The following MGLL variants were observed in gnomAD, a reference collection of about 807,000 sequenced individuals.
MGLL encodes the protein monoglyceride lipase.
Under a neutral mutation model 29.1 loss-of-function variants are expected in MGLL, and 7 were observed. The ratio of observed to expected loss-of-function variants is 0.24; its 90% CI spans 0.14 to 0.45. MGLL has a LOEUF of 0.45. MGLL is among the 20% of genes least tolerant of loss of function. The probability of loss-of-function intolerance (pLI) is 0.99; values close to 1 mark genes in which losing one functional copy is unlikely to be tolerated. For missense variants in MGLL, 356 were observed against 413.6 expected (o/e 0.86, Z 1.21); for synonymous variants, 148 against 168.3 (o/e 0.88, Z 0.93).
At chr3:127,749,858 C>G (rs1414669863) in intron 3 of MGLL, among the ~76,000 whole-genome samples, 1 of 152,106 alleles carries the variant, frequency 6.6e-6, no homozygotes, top group East Asian at 1.9e-4. Context: ...TTAGTAATGA[C>G]CAGAAGGAGG....
chr3:127,730,297 G>A (rs1167572276), intron 3 of MGLL, among the ~76,000 whole-genome samples: 4 of 151,982 alleles, frequency 2.6e-5, no homozygotes, highest in Non-Finnish European at 5.9e-5. Context: ...ATGGTGTCGT[G>A]GTCCGACGGC....
rs1172933474 is a variant in MGLL at position 127,781,790 on chromosome 3, A to T, written c.261T>A (p.His87Gln). 1 of 1,614,080 alleles carries T rather than the reference A, an allele frequency of 6.2e-7. No homozygotes were observed. Residue 87 changes from histidine (H) to glutamine (Q), a missense_variant and splice_region_variant, in exon 3 of 8, where the codon CAT becomes CAA. Transcript: ENST00000265052. The stretch of plus-strand genomic sequence containing the variant: ...CTGACGGCACCCTGGGACACTCACC[A>T]TGGTCGTGGGCGAACACCAGCAGGT... Reference protein sequence around the residue: ...GLDLLVFAHDHVGHGQSEGER... With the variant: ...GLDLLVFAHDQVGHGQSEGER...
At position 127,740,019 on chromosome 3, in the gene MGLL, C is replaced by G. The variant is rs184791827; in HGVS notation, c.263-17453G>C. Reference sequence around the variant, plus strand: ...GCCCGCTCAGAGGCCTGCGGGCCAGCAGGCAGCTCTGAGTGGGGAAGCCCT... The same window carrying G: ...GCCCGCTCAGAGGCCTGCGGGCCAGGAGGCAGCTCTGAGTGGGGAAGCCCT... On this transcript the variant is annotated intron_variant, in intron 3 of 7. Transcript: ENST00000265052. Among the ~76,000 whole-genome samples, 1,454 of 152,308 alleles carry G rather than the reference C, an allele frequency of 9.5e-3. 12 individuals carry two copies. The highest frequency in any genetic ancestry group is 0.015 in the Non-Finnish European group (1,029 of 68,018).
chr3:127,782,566 C>A (rs1463257179), intron 2 of MGLL, among the ~76,000 whole-genome samples: 1 of 152,206 alleles, frequency 6.6e-6, no homozygotes, highest in Non-Finnish European at 1.5e-5. Context: ...GCAGGCAGGT[C>A]CTCCACCAGG....
intron 3 of MGLL, among the ~76,000 whole-genome samples, chr3:127,754,398 C>G (rs572746348): frequency 9.2e-5 from 14 of 152,304 alleles, no homozygotes; most frequent in African/African-American, 3.4e-4. Flanking sequence ...CACACAAGTG[C>G]CTTCCAGGAC....
chr3:127,821,832 T>C lies in MGLL; in HGVS notation c.17A>G (p.Glu6Gly). ...TTCCTCTGGCATGCTGGAAGGGTCT[T>C]CAGGTCCTAGAAGGAAAAGTGACAT... METGP[E>G]DPSSMPEESS... The change falls in exon 2 of 8, where the codon GAA becomes GGA. Residue 6 changes from glutamate to glycine, a missense_variant. Transcript: ENST00000265052. 6.2e-7 allele frequency: 1 copy of C among 1,613,916 alleles called. No homozygotes were observed. The highest frequency in any genetic ancestry group is 8.5e-7 in the Non-Finnish European group (1 of 1,179,862).
chr3:127,786,865 C>T (rs892785598), intron 2 of MGLL, among the ~76,000 whole-genome samples: 4 of 152,160 alleles, frequency 2.6e-5, no homozygotes, highest in Non-Finnish European at 4.4e-5. Context: ...CCATTTGCTC[C>T]GATGGCGCAG....
At chr3:127,708,456 C>T (rs1003781141) in intron 6 of MGLL, among the ~76,000 whole-genome samples, 1 of 152,156 alleles carries the variant, frequency 6.6e-6, no homozygotes, top group African/African-American at 2.4e-5. Context: ...GGGAGCCCCA[C>T]CAGGTGCTTC....
At chr3:127,714,080 A>G (rs2075769581) in intron 5 of MGLL, 1 of 140,430 alleles carries the variant, frequency 7.1e-6, no homozygotes, top group Non-Finnish European at 1.6e-5. Flanking sequence ...TTTTAAGAAA[A>G]GAGCTTCGTA....
At chr3:127,702,950 C>T (rs1358023826) in intron 6 of MGLL, among the ~76,000 whole-genome samples, 1 of 152,212 alleles carries the variant, frequency 6.6e-6, no homozygotes. Flanking sequence ...CCACCTCGGC[C>T]TCCCAAATTG....
chr3:127,733,067 A>C (rs1400352041), intron 3 of MGLL, among the ~76,000 whole-genome samples: 1 of 152,206 alleles, frequency 6.6e-6, no homozygotes, highest in Non-Finnish European at 1.5e-5. Flanking sequence ...TCTAAGTCAC[A>C]GGGTGAGATA....
chr3:127,750,278 G>A (rs2107668270), intron 3 of MGLL, among the ~76,000 whole-genome samples: 1 of 152,214 alleles, frequency 6.6e-6, no homozygotes, highest in South Asian at 2.1e-4. Context: ...TGACAAGGAG[G>A]GCATAAAAGG....
chr3:127,718,371 C>T (rs146599168), intron 5 of MGLL, among the ~76,000 whole-genome samples: 1 of 152,194 alleles, frequency 6.6e-6, no homozygotes. Flanking sequence ...GGAAGCCCCT[C>T]AGCCCCACCA....
intron 3 of MGLL, among the ~76,000 whole-genome samples, chr3:127,725,046 G>T (rs1350172366): frequency 6.6e-6 from 1 of 151,760 alleles, no homozygotes; most frequent in Non-Finnish European, 1.5e-5. Context: ...TCCTTAAGGG[G>T]TGGTCCACAC....
intron 3 of MGLL, among the ~76,000 whole-genome samples, chr3:127,752,477 C>T (rs909404634): frequency 6.6e-6 from 1 of 152,082 alleles, no homozygotes; most frequent in African/African-American, 2.4e-5. Flanking sequence ...GTCTTGGAGG[C>T]CTTTCCATAG....
chr3:127,737,438 T>C (rs954111747), intron 3 of MGLL, among the ~76,000 whole-genome samples: 1 of 149,852 alleles, frequency 6.7e-6, no homozygotes, highest in Non-Finnish European at 1.5e-5. Flanking sequence ...GAATGGATGA[T>C]GGCTAGCACA....
chr3:127,759,010 C>T (rs1321396263), intron 3 of MGLL, among the ~76,000 whole-genome samples: 1 of 151,436 alleles, frequency 6.6e-6, no homozygotes, highest in East Asian at 1.9e-4. Context: ...GCAACCTCTG[C>T]CTCCCAGGTT....
intron 3 of MGLL, chr3:127,736,004 A>G: frequency 7.0e-7 from 1 of 1,422,328 alleles, no homozygotes; most frequent in Non-Finnish European, 9.1e-7. Flanking sequence ...AAAAGCTCCC[A>G]GGTTTAACAT....
intron 2 of MGLL, among the ~76,000 whole-genome samples, chr3:127,812,410 A>G (rs565022267): frequency 6.6e-6 from 1 of 152,350 alleles, no homozygotes; most frequent in South Asian, 2.1e-4. Flanking sequence ...TTTATCAGGG[A>G]GCCTGAAATC....
Sources: allele counts gnomAD v4.1 joint callset (sites outside exome capture counted in the v4.1 genomes callset), GRCh38; gene constraint gnomAD v4.1.1; transcripts MANE v1.5; gene names NCBI Gene and HGNC (gene_info 2026-07-23, HGNC 2026-07-21).